Variants in PTPN5 observed in about 807,000 individuals in gnomAD.
The protein encoded by PTPN5 is tyrosine-protein phosphatase non-receptor type 5.
A neutral mutation model predicts 73.9 loss-of-function variants in PTPN5; 29 were observed. The observed-to-expected ratio is 0.39, with a 90% CI of 0.29 to 0.54. The LOEUF (loss-of-function observed/expected upper bound fraction) is 0.54, where lower values mean the gene tolerates loss of function less well. PTPN5 is among the 20% of genes least tolerant of loss of function. PTPN5 has a pLI of 0.65. For synonymous variants in PTPN5, 267 were observed against 304.7 expected (o/e 0.88, Z 1.29); for missense variants, 652 against 751.4 (o/e 0.87, Z 1.55).
intron 9 of PTPN5, among the ~76,000 whole-genome samples, chr11:18,734,073 A>G (rs141054681): frequency 6.6e-6 from 1 of 152,310 alleles, no homozygotes; most frequent in African/African-American, 2.4e-5. Flanking sequence ...TAGTTTTCCT[A>G]TCTGTCAAAT....
Position 18,738,104 on chromosome 11 carries a change from G to C in PTPN5, c.916-140C>G, listed in dbSNP as rs1849197701. On this transcript the variant is annotated intron_variant, in intron 8 of 14. Transcript: ENST00000358540. ...ATTCAACAAACATTTACTATTAAGA[G>C]AGTTAGTGCTCACGACGCATTCAGA... 4 of 698,316 alleles carry C rather than the reference G, an allele frequency of 5.7e-6. No homozygotes were observed. In the South Asian group the frequency reaches 6.5e-5, roughly 11 times the overall value. The allele number at this position is 698,316 out of a possible 1,614,324, so 43.3% of individuals were successfully genotyped here.
intron 3 of PTPN5, among the ~76,000 whole-genome samples, chr11:18,754,784 T>C (rs11024782): frequency 0.66 from 101,009 of 152,080 alleles, 34,293 homozygotes; most frequent in Middle Eastern, 0.86. Context: ...TTGATGTACT[T>C]TTCTCTCATT....
rs1366805360 is a variant in PTPN5, at chr11:18,742,584, C to G, written c.484-81G>C. The G allele has an allele frequency of 4.5e-6, 7 of 1,547,440 alleles. No individual in the cohort carries two copies. The highest frequency in any genetic ancestry group is 6.1e-6 in the Non-Finnish European group (7 of 1,149,348). ...TCCTGGAGTGCCCATGGGATTGACGCCCCCCCACTCCCTCAGTGTGTCTAG... is the reference window on the plus strand; with the variant it reads ...TCCTGGAGTGCCCATGGGATTGACGGCCCCCCACTCCCTCAGTGTGTCTAG... On this transcript the variant is annotated intron_variant, in intron 6 of 14. Coordinates refer to ENST00000358540, the MANE Select transcript of PTPN5 (RefSeq NM_006906.2). The surrounding 1 kb of genome is among the most constrained non-coding windows in gnomAD (Gnocchi z 4.1).
chr11:18,784,498 G>C (rs1420833338), intron 1 of PTPN5, among the ~76,000 whole-genome samples: 1 of 152,170 alleles, frequency 6.6e-6, no homozygotes, highest in Non-Finnish European at 1.5e-5. Context: ...GGGGAGATGG[G>C]AATGAGGAAT....
Position 18,741,960 on chromosome 11 carries a change from C to G in PTPN5, c.725+302G>C, listed in dbSNP as rs77626613. The stretch of plus-strand genomic sequence containing the variant: ...CTTGCTGATTTACAATGAACATAAG[C>G]ATGTTAAAGGCCCTGACAAGTCCTG... On this transcript the variant is annotated intron_variant, in intron 7 of 14. Transcript: ENST00000358540. Among the ~76,000 whole-genome samples the G allele has an allele frequency of 9.9e-3, 1,506 of 152,316 alleles. 35 individuals carry two copies. The highest frequency in any genetic ancestry group is 0.034 in the African/African-American group (1,419 of 41,548).
chr11:18,771,807 G>A, intron 2 of PTPN5, 132 bp downstream of exon 2: 1 of 762,320 alleles, frequency 1.3e-6, no homozygotes, highest in Non-Finnish European at 2.2e-6. Context: ...GGGCATGCTG[G>A]TTTCATGGAA....
intron 2 of PTPN5, among the ~76,000 whole-genome samples, chr11:18,766,717 G>A (rs1850660957): frequency 6.6e-6 from 1 of 152,170 alleles, no homozygotes; most frequent in Non-Finnish European, 1.5e-5. Flanking sequence ...GCAACCACTT[G>A]ACTCACAGGG....
At chr11:18,760,510 C>A (rs940713748) in intron 3 of PTPN5, among the ~76,000 whole-genome samples, 2 of 152,170 alleles carry the variant, frequency 1.3e-5, no homozygotes, top group African/African-American at 4.8e-5. Flanking sequence ...GGACAGGTTG[C>A]AAGACATCAG....
intron 1 of PTPN5, among the ~76,000 whole-genome samples, chr11:18,777,435 T>A (rs1361002214): frequency 7.7e-6 from 1 of 129,998 alleles, no homozygotes; most frequent in African/African-American, 2.9e-5. Context: ...AGGAAGCTCC[T>A]AAAAATGTTA....
chr11:18,746,659 T>C (rs933937694), intron 3 of PTPN5, among the ~76,000 whole-genome samples: 1 of 152,168 alleles, frequency 6.6e-6, no homozygotes, highest in African/African-American at 2.4e-5. Context: ...ATGTTTACAA[T>C]ACAGTGCATT....
intron 5 of PTPN5, 119 bp from the exon 6 acceptor site, chr11:18,743,194 C>G: frequency 8.2e-7 from 1 of 1,220,366 alleles, no homozygotes; most frequent in South Asian, 1.2e-5. Context: ...GGGGAGCAGG[C>G]AGAAGAACTT....
intron 3 of PTPN5, among the ~76,000 whole-genome samples, chr11:18,764,479 G>A (rs1422424384): frequency 6.6e-6 from 1 of 152,204 alleles, no homozygotes; most frequent in East Asian, 1.9e-4. Flanking sequence ...GGTATGAACT[G>A]CATCAAAGGG....
intron 2 of PTPN5, among the ~76,000 whole-genome samples, chr11:18,769,882 G>A (rs1378634890): frequency 6.6e-6 from 1 of 152,178 alleles, no homozygotes; most frequent in Non-Finnish European, 1.5e-5. Context: ...CCTCAGCAGA[G>A]GCACGTGGGC....
chr11:18,791,267 A>G (rs557594660), intron 1 of PTPN5, among the ~76,000 whole-genome samples: 99 of 152,256 alleles, frequency 6.5e-4, no homozygotes, highest in African/African-American at 2.1e-3. Context: ...CCTCCCCGGA[A>G]CCGCGCACGG....
chr11:18,756,739 G>A (rs924788308), intron 3 of PTPN5, among the ~76,000 whole-genome samples: 3 of 151,978 alleles, frequency 2.0e-5, no homozygotes, highest in South Asian at 2.1e-4. Flanking sequence ...CGGCTAACAC[G>A]GTGAAACCCC....
intron 3 of PTPN5, among the ~76,000 whole-genome samples, chr11:18,756,294 C>CT (rs552226983): frequency 0.36 from 40,456 of 111,026 alleles, 7,880 homozygotes; most frequent in East Asian, 0.54. Flanking sequence ...ACATCCTTCA[C>CT]TTTTTTTTTT....
At chr11:18,753,099 GT>G (rs2134257662) in intron 3 of PTPN5, among the ~76,000 whole-genome samples, 1 of 152,342 alleles carries the variant, frequency 6.6e-6, no homozygotes, top group Non-Finnish European at 1.5e-5. Context: ...CTGGCTTGGG[GT>G]TCTTTGAAAC....
chr11:18,782,392 T>A (rs998838658), intron 1 of PTPN5, among the ~76,000 whole-genome samples: 8 of 152,102 alleles, frequency 5.3e-5, no homozygotes, highest in African/African-American at 1.9e-4. Flanking sequence ...CATGCCCAGC[T>A]AATTTTTGTA....
chr11:18,741,401 G>C (rs140658795), intron 7 of PTPN5, among the ~76,000 whole-genome samples: 1 of 152,236 alleles, frequency 6.6e-6, no homozygotes, highest in East Asian at 1.9e-4. Flanking sequence ...GACAGGATGG[G>C]GCTTCATTAC....
Sources: allele counts gnomAD v4.1 joint callset (sites outside exome capture counted in the v4.1 genomes callset), GRCh38; gene constraint gnomAD v4.1.1; non-coding constraint Gnocchi (gnomAD v3.1); transcripts MANE v1.5; gene names NCBI Gene and HGNC (gene_info 2026-07-23, HGNC 2026-07-21).